SLC22A4: variants seen among roughly 807,000 people sequenced by gnomAD.
The protein encoded by SLC22A4 is solute carrier family 22 member 4.
In SLC22A4, 39 loss-of-function variants were observed where a neutral mutation model predicts 56.6. That is an observed-to-expected ratio of 0.69 (90% CI 0.53 to 0.90). The LOEUF (loss-of-function observed/expected upper bound fraction) is 0.90, where lower values mean the gene tolerates loss of function less well. Ranked by LOEUF, SLC22A4 falls within the 40% of genes least tolerant of loss-of-function variation. The probability of loss-of-function intolerance (pLI) is 0.00; values close to 1 mark genes in which losing one functional copy is unlikely to be tolerated. For synonymous variants in SLC22A4, 241 were observed against 281.4 expected, an observed-to-expected ratio of 0.86 and a Z score of 1.44; for missense variants, 594 against 696.5, an observed-to-expected ratio of 0.85 and a Z score of 1.66.
At chr5:132,329,661 G>C (rs541030930) in intron 5 of SLC22A4, among the ~76,000 whole-genome samples, 1 of 152,234 alleles carries the variant, frequency 6.6e-6, no homozygotes, top group Admixed American at 6.5e-5. Flanking sequence ...AAAAGATATA[G>C]AGTAGAGTAT....
At chr5:132,334,984 C>G in intron 7 of SLC22A4, 52 bp downstream of exon 7, 1 of 1,255,572 alleles carries the variant, frequency 8.0e-7, no homozygotes, top group South Asian at 1.2e-5. Flanking sequence ...CACATATTGA[C>G]TAGGCTGCTT....
intron 1 of SLC22A4, chr5:132,295,470 A>C: frequency 2.7e-6 from 1 of 366,128 alleles, no homozygotes; most frequent in Non-Finnish European, 5.3e-6. Flanking sequence ...GTACTGCCGT[A>C]CCATATACTT....
Position 132,313,756 on chromosome 5 carries a change from G to A in SLC22A4, c.640G>A (p.Ala214Thr). ...GMGQISNYVV[A>T]FILGTEILGK... ...GGGCCAGATCTCCAACTATGTGGTA[G>A]CCTTCATACTAGGTAGGAATGGCTT... The change falls in exon 3 of 10, where the codon GCC (alanine) becomes ACC (threonine). Residue 214 changes from alanine to threonine, a missense_variant. By Grantham distance (58) the Ala-to-Thr change is moderately conservative. Transcript: ENST00000200652. 6.2e-7 allele frequency: 1 copy of A among 1,614,214 alleles called. No individual in the cohort carries two copies. The highest frequency in any genetic ancestry group is 1.1e-5 in the South Asian group (1 of 91,088).
At chr5:132,328,823 TTATATATA>T (rs70974032) in intron 5 of SLC22A4, among the ~76,000 whole-genome samples, 19,298 of 144,918 alleles carry the variant, frequency 0.13, 1,321 homozygotes, top group South Asian at 0.18. Context: ...GGCAGTGCCT[TTATATATA>T]TATATATACA....
chr5:132,314,374 G>GC (rs1359732079), intron 3 of SLC22A4, among the ~76,000 whole-genome samples: 3 of 152,222 alleles, frequency 2.0e-5, no homozygotes, highest in African/African-American at 7.2e-5. Context: ...AGGTCATGAA[G>GC]AGGTCCCTGG....
intron 1 of SLC22A4, among the ~76,000 whole-genome samples, chr5:132,296,600 C>T (rs1939901370): frequency 6.6e-6 from 1 of 152,334 alleles, no homozygotes; most frequent in Middle Eastern, 3.4e-3. Context: ...ACCATACCTA[C>T]CCTGGGCCCT....
intron 1 of SLC22A4, 43 bp from the exon 2 acceptor site, chr5:132,312,118 G>T (rs754982385): frequency 8.3e-7 from 1 of 1,208,756 alleles, no homozygotes; most frequent in Non-Finnish European, 1.2e-6. Flanking sequence ...GTTGAGGTCT[G>T]CCTCAGGGTT....
chr5:132,339,053 A>G (rs1460028812), intron 8 of SLC22A4, among the ~76,000 whole-genome samples: 1 of 152,174 alleles, frequency 6.6e-6, no homozygotes, highest in Non-Finnish European at 1.5e-5. Flanking sequence ...AAAAGTATTA[A>G]TTTGGGGAAC....
chr5:132,328,836 TATACAC>T (rs1327496483), intron 5 of SLC22A4, among the ~76,000 whole-genome samples: 2,897 of 139,026 alleles, frequency 0.021, 89 homozygotes, highest in African/African-American at 0.073. Flanking sequence ...TATATATATA[TATACAC>T]ACACACACAC....
intron 5 of SLC22A4, among the ~76,000 whole-genome samples, chr5:132,330,838 A>C (rs1431382965): frequency 6.6e-6 from 1 of 152,192 alleles, no homozygotes; most frequent in African/African-American, 2.4e-5. Context: ...CCTCAATGAT[A>C]CAGTAATAAT....
At chr5:132,309,259 C>T (rs1252386631) in intron 1 of SLC22A4, among the ~76,000 whole-genome samples, 2 of 152,224 alleles carry the variant, frequency 1.3e-5, no homozygotes, top group Non-Finnish European at 2.9e-5. Flanking sequence ...CACAGCTTTC[C>T]AAAAAGACAC....
intron 1 of SLC22A4, among the ~76,000 whole-genome samples, chr5:132,308,450 T>C (rs1750095641): frequency 7.1e-6 from 1 of 141,084 alleles, no homozygotes; most frequent in South Asian, 2.4e-4. Flanking sequence ...GCTTTATTGC[T>C]CTGTGCCTTC....
intron 1 of SLC22A4, among the ~76,000 whole-genome samples, chr5:132,307,623 C>T (rs71583470): frequency 0.073 from 11,108 of 152,184 alleles, 543 homozygotes; most frequent in East Asian, 0.27. Flanking sequence ...ATGTGTCAGA[C>T]GCTCCACTGA....
At chr5:132,325,474 T>C (rs542618280) in intron 4 of SLC22A4, among the ~76,000 whole-genome samples, 7 of 152,228 alleles carry the variant, frequency 4.6e-5, no homozygotes, top group East Asian at 1.9e-4. Context: ...GTAGTTCCTA[T>C]AGGGACCCAC....
intron 1 of SLC22A4, 74 bp downstream of exon 1, chr5:132,295,083 C>A: frequency 6.7e-7 from 1 of 1,487,294 alleles, no homozygotes; most frequent in Non-Finnish European, 9.2e-7. Context: ...TTGAGACTCC[C>A]TGCGCAGTGC....
chr5:132,340,151 A>G (rs1353656025), intron 8 of SLC22A4, among the ~76,000 whole-genome samples: 1 of 143,748 alleles, frequency 7.0e-6, no homozygotes, highest in Non-Finnish European at 1.5e-5. Flanking sequence ...GCAAAAGCAG[A>G]GTCATGCCAG....
At chr5:132,312,011 G>A (rs1053263109) in intron 1 of SLC22A4, 150 bp from the exon 2 acceptor site, 11 of 741,528 alleles carry the variant, frequency 1.5e-5, no homozygotes, top group Non-Finnish European at 2.7e-5. Flanking sequence ...ACCCAGGGCT[G>A]CAAGGCCTAT....
At position 132,313,617 on chromosome 5, in the gene SLC22A4, T is replaced by C; in HGVS notation, c.501T>C (p.Phe167=). ...SFVSGQLSDR[F]GRKNVLFATM... is the part of the protein sequence containing the mutation. Reference sequence around the variant, plus strand: ...TGTGTTATACTGCATTCTCTAGGTTTGGCAGGAAGAACGTTCTCTTCGCAA... The same window carrying C: ...TGTGTTATACTGCATTCTCTAGGTTCGGCAGGAAGAACGTTCTCTTCGCAA... The change falls in exon 3 of 10, where the codon TTT becomes TTC. Residue 167 remains phenylalanine, a synonymous_variant. Coordinates refer to ENST00000200652, the MANE Select transcript of SLC22A4 (RefSeq NM_003059.3). 6.2e-6 allele frequency: 10 copies of C among 1,614,232 alleles called. No individual in the cohort carries two copies. The highest frequency in any genetic ancestry group is 7.6e-6 in the Non-Finnish European group (9 of 1,179,998).
intron 2 of SLC22A4, among the ~76,000 whole-genome samples, chr5:132,312,812 G>T (rs1750219828): frequency 6.6e-6 from 1 of 152,170 alleles, no homozygotes; most frequent in Admixed American, 6.5e-5. Context: ...TATTCCACAG[G>T]CCCCTGTATG....
Sources: allele counts gnomAD v4.1 joint callset (sites outside exome capture counted in the v4.1 genomes callset), GRCh38; gene constraint gnomAD v4.1.1; transcripts MANE v1.5; gene names NCBI Gene and HGNC (gene_info 2026-07-23, HGNC 2026-07-21).